The following FANCC variants were observed in gnomAD, a reference collection of about 807,000 sequenced individuals.
FANCC encodes the protein Fanconi anemia group C protein.
In FANCC, 55 loss-of-function variants were observed where a neutral mutation model predicts 71.3. The observed-to-expected ratio is 0.77, with a 90% CI of 0.62 to 0.97. FANCC has a LOEUF of 0.97. Ranked by LOEUF, FANCC falls within the 50% of genes least tolerant of loss-of-function variation. The probability of loss-of-function intolerance (pLI) is 0.00; values close to 1 mark genes in which losing one functional copy is unlikely to be tolerated. For synonymous variants in FANCC, 275 were observed against 244.9 expected (o/e 1.12, Z -1.15); for missense variants, 678 against 670.9 (o/e 1.01, Z -0.12).
chr9:95,177,994 C>T (rs1826116086), intron 4 of FANCC, among the ~76,000 whole-genome samples: 1 of 152,164 alleles, frequency 6.6e-6, no homozygotes, highest in African/African-American at 2.4e-5. Flanking sequence ...CAGTGCACAG[C>T]TCAACACAAA....
At chr9:95,254,584 C>T (rs1831544686) in intron 1 of FANCC, among the ~76,000 whole-genome samples, 3 of 152,246 alleles carry the variant, frequency 2.0e-5, no homozygotes, top group South Asian at 4.1e-4. Context: ...TCGCAACCTA[C>T]AGACCAGAAG....
chr9:95,290,767 C>T (rs1005026334), intron 1 of FANCC, among the ~76,000 whole-genome samples: 1 of 152,114 alleles, frequency 6.6e-6, no homozygotes, highest in African/African-American at 2.4e-5. Flanking sequence ...GAGGCAAAGA[C>T]ACAAAAAGAA....
At chr9:95,264,308 G>A (rs556914552) in intron 1 of FANCC, among the ~76,000 whole-genome samples, 2 of 152,104 alleles carry the variant, frequency 1.3e-5, no homozygotes, top group Admixed American at 6.5e-5. Flanking sequence ...ACAAATGTAT[G>A]GAAAATAAAT....
chr9:95,112,313 G>GCT (rs1375837874), intron 12 of FANCC, among the ~76,000 whole-genome samples: 1 of 152,186 alleles, frequency 6.6e-6, no homozygotes, highest in Non-Finnish European at 1.5e-5. Context: ...CATTAGATGA[G>GCT]AACATTCCTT....
Position 95,151,916 on chromosome 9 carries a change from G to A in FANCC, c.522-1829C>T, listed in dbSNP as rs577188965. 1.4e-3 allele frequency among the ~76,000 whole-genome samples: 201 copies of A among 147,382 alleles called. 1 individual carries two copies. Among genetic ancestry groups the A allele is most frequent in the Middle Eastern group, 3.6e-3 (1 of 280 alleles). On this transcript the variant is annotated intron_variant, in intron 6 of 14. Transcript: ENST00000289081. ...GCACTCCAGCCTGGGAGACAAGAGC[G>A]AGACCTGTCTCAAAAAAAAAAAAAC...
intron 4 of FANCC, among the ~76,000 whole-genome samples, chr9:95,214,544 T>C (rs1298256790): frequency 6.6e-6 from 1 of 152,200 alleles, no homozygotes; most frequent in Non-Finnish European, 1.5e-5. Context: ...GAAGAGATAT[T>C]TGTACACCCA....
chr9:95,309,560 C>T (rs994905115), intron 1 of FANCC, among the ~76,000 whole-genome samples: 4 of 152,146 alleles, frequency 2.6e-5, no homozygotes, highest in Non-Finnish European at 1.5e-5. Context: ...CTGATTCCTT[C>T]AGACAAGTGT....
intron 4 of FANCC, among the ~76,000 whole-genome samples, chr9:95,221,059 G>A (rs896851657): frequency 3.6e-4 from 55 of 151,632 alleles, no homozygotes; most frequent in African/African-American, 1.2e-3. Context: ...GTGAAATCCC[G>A]TTTCTACTAA....
In FANCC at chr9:95,181,220, G is replaced by A. The variant is rs533248538; in HGVS notation, c.346-9073C>T. Among the ~76,000 whole-genome samples the A allele has an allele frequency of 4.0e-5, 6 of 150,634 alleles. No individual in the cohort carries two copies. The South Asian group carries it at 6.4e-4, about 16-fold the overall frequency. ...AACAAAATTACATATTTTAATTTAC[G>A]TTTTTCCATAATTCTGTAATATAAG... is the stretch of plus-strand genomic sequence containing the variant. On this transcript the variant is annotated intron_variant, in intron 4 of 14. Coordinates refer to ENST00000289081, the MANE Select transcript of FANCC (RefSeq NM_000136.3).
chr9:95,129,684 C>A (rs1826581337), intron 8 of FANCC, among the ~76,000 whole-genome samples: 1 of 152,222 alleles, frequency 6.6e-6, no homozygotes. Flanking sequence ...CTCCATCTGG[C>A]CTAACAATTT....
intron 4 of FANCC, among the ~76,000 whole-genome samples, chr9:95,215,572 T>C (rs960919637): frequency 7.9e-5 from 12 of 152,224 alleles, no homozygotes; most frequent in African/African-American, 1.2e-4. Context: ...AGTGGGGTAG[T>C]ATGACTGCTC....
At chr9:95,106,213 CT>C in intron 14 of FANCC, among the ~76,000 whole-genome samples, 1 of 152,284 alleles carries the variant, frequency 6.6e-6, no homozygotes, top group Non-Finnish European at 1.5e-5. Context: ...CACTCATGCC[CT>C]TTCTGTGAGC....
At chr9:95,271,692 C>T (rs930142229) in intron 1 of FANCC, among the ~76,000 whole-genome samples, 7 of 151,048 alleles carry the variant, frequency 4.6e-5, no homozygotes, top group Non-Finnish European at 1.5e-5. Flanking sequence ...TTGCAAATTA[C>T]AAAAAGGGAA....
intron 1 of FANCC, chr9:95,293,457 G>T: frequency 6.4e-7 from 1 of 1,571,114 alleles, no homozygotes. Context: ...CTAAATTGCT[G>T]ATCCTGTTGC....
intron 4 of FANCC, among the ~76,000 whole-genome samples, chr9:95,220,786 G>A (rs867034098): frequency 4.6e-5 from 7 of 152,060 alleles, no homozygotes; most frequent in Admixed American, 3.3e-4. Flanking sequence ...GTTAATGGGT[G>A]CAGCACACCA....
intron 4 of FANCC, among the ~76,000 whole-genome samples, chr9:95,219,394 C>T (rs113763082): frequency 0.021 from 3,215 of 152,236 alleles, 45 homozygotes; most frequent in Non-Finnish European, 0.033. Flanking sequence ...AGACCTTAGG[C>T]CTTTACACTG....
chr9:95,146,949 A>AT (rs1206927117), intron 7 of FANCC, among the ~76,000 whole-genome samples: 6 of 151,786 alleles, frequency 4.0e-5, no homozygotes, highest in East Asian at 1.9e-4. Context: ...AGTAATATAT[A>AT]TTTTTTAATT....
chr9:95,168,741 C>A (rs1825469201), intron 6 of FANCC, among the ~76,000 whole-genome samples: 1 of 152,174 alleles, frequency 6.6e-6, no homozygotes. Flanking sequence ...GTTGGCCAGG[C>A]TCGTCTTGAA....
At chr9:95,126,457 C>T (rs1333114424) in intron 9 of FANCC, 72 bp downstream of exon 9, 8 of 1,417,794 alleles carry the variant, frequency 5.6e-6, no homozygotes, top group Admixed American at 3.4e-5. Context: ...ACTACCACAA[C>T]ATTTTCTGAT....
Sources: allele counts gnomAD v4.1 joint callset (sites outside exome capture counted in the v4.1 genomes callset), GRCh38; gene constraint gnomAD v4.1.1; transcripts MANE v1.5; gene names NCBI Gene and HGNC (gene_info 2026-07-23, HGNC 2026-07-21).